STK3: variants seen among roughly 807,000 people sequenced by gnomAD.
STK3 encodes serine/threonine-protein kinase 3.
In STK3, 41 loss-of-function variants were observed where a neutral mutation model predicts 58.0. The observed-to-expected ratio is 0.71, with a 90% CI of 0.55 to 0.92. The LOEUF is 0.92. Among genes scored for constraint, STK3 ranks in the 40% least tolerant of loss-of-function variants. The pLI is 0.00. For synonymous variants in STK3, 170 were observed against 191.0 expected (o/e 0.89, Z 0.91); for missense variants, 479 against 602.7 (o/e 0.79, Z 2.15).
intron 6 of STK3, among the ~76,000 whole-genome samples, chr8:98,697,693 T>C (rs981601455): frequency 6.6e-6 from 1 of 152,300 alleles, no homozygotes; most frequent in Admixed American, 6.5e-5. Context: ...AATCCTGAGT[T>C]CTAGTTTGAT....
At chr8:98,898,479 G>C (rs1838540142) in intron 1 of STK3, among the ~76,000 whole-genome samples, 1 of 152,058 alleles carries the variant, frequency 6.6e-6, no homozygotes. Context: ...AACTGATTTG[G>C]GTCATCATTC....
chr8:98,482,432 A>C (rs1042663732), intron 10 of STK3, among the ~76,000 whole-genome samples: 2 of 152,260 alleles, frequency 1.3e-5, no homozygotes, highest in African/African-American at 2.4e-5. Context: ...AAGATAAAAA[A>C]TACATGTAAG....
chr8:98,847,143 T>C (rs758265568), intron 3 of STK3, among the ~76,000 whole-genome samples: 15 of 152,122 alleles, frequency 9.9e-5, no homozygotes, highest in Non-Finnish European at 1.5e-4. Flanking sequence ...GTGGGAAAAC[T>C]GCTTGAAGCC....
intron 7 of STK3, among the ~76,000 whole-genome samples, chr8:98,591,196 G>A (rs1264462393): frequency 6.6e-6 from 1 of 152,180 alleles, no homozygotes; most frequent in Non-Finnish European, 1.5e-5. Flanking sequence ...GAGCATGGAG[G>A]TATTAATAAG....
At chr8:98,412,326 T>C (rs995427391) in intron 3 of STK3, among the ~76,000 whole-genome samples, 1 of 152,180 alleles carries the variant, frequency 6.6e-6, no homozygotes, top group Non-Finnish European at 1.5e-5. Flanking sequence ...CAGTCTCCAT[T>C]GTTCAGGCCT....
intron 1 of STK3, among the ~76,000 whole-genome samples, chr8:98,380,506 CT>C (rs1817721309): frequency 6.6e-6 from 1 of 152,140 alleles, no homozygotes; most frequent in Non-Finnish European, 1.5e-5. Flanking sequence ...TTTCTCACAT[CT>C]ATTATTACCT....
chr8:98,909,975 A>G (rs988578845), intron 1 of STK3, among the ~76,000 whole-genome samples: 12 of 152,156 alleles, frequency 7.9e-5, no homozygotes, highest in Non-Finnish European at 1.8e-4. Flanking sequence ...AGTGTATGAG[A>G]ATTGTGATTT....
chr8:98,909,332 C>G (rs1207127715), intron 1 of STK3, among the ~76,000 whole-genome samples: 1 of 152,102 alleles, frequency 6.6e-6, no homozygotes, highest in Non-Finnish European at 1.5e-5. Flanking sequence ...ATTTTATCGA[C>G]AGATGTTGAA....
At chr8:98,802,414 A>T (rs1217435858) in intron 1 of STK3, among the ~76,000 whole-genome samples, 3 of 152,164 alleles carry the variant, frequency 2.0e-5, no homozygotes, top group Non-Finnish European at 2.9e-5. Flanking sequence ...GCTACAAGTT[A>T]AGAACATATC....
intron 1 of STK3, among the ~76,000 whole-genome samples, chr8:98,780,650 G>C (rs2131526001): frequency 6.6e-6 from 1 of 151,424 alleles, no homozygotes; most frequent in South Asian, 2.1e-4. Context: ...ACTAAGGTAA[G>C]AAACACAGGG....
chr8:98,768,595 G>C (rs77611252), intron 2 of STK3, among the ~76,000 whole-genome samples: 2,448 of 152,244 alleles, frequency 0.016, 33 homozygotes, highest in South Asian at 0.029. Context: ...ATGTGTGTAT[G>C]TGTGTATATT....
chr8:98,443,933 GTAAA>G (rs1486255091), intron 1 of STK3, among the ~76,000 whole-genome samples: 1 of 152,116 alleles, frequency 6.6e-6, no homozygotes, highest in Admixed American at 6.6e-5. Flanking sequence ...AAATAAATAA[GTAAA>G]TAAATAAATA....
upstream of STK3, among the ~76,000 whole-genome samples, chr8:98,830,449 T>A (rs185464939): frequency 6.6e-6 from 1 of 152,198 alleles, no homozygotes; most frequent in Admixed American, 6.5e-5. Flanking sequence ...TGTGTGTTAC[T>A]CAATAAAGGA....
At chr8:98,663,596 C>G (rs1563864602) in intron 6 of STK3, among the ~76,000 whole-genome samples, 2 of 152,108 alleles carry the variant, frequency 1.3e-5, no homozygotes, top group African/African-American at 2.4e-5. Flanking sequence ...GCACTATTCA[C>G]AATAGCAAAG....
intron 3 of STK3, chr8:98,427,741 T>G: frequency 5.2e-6 from 2 of 387,446 alleles, no homozygotes; most frequent in Non-Finnish European, 9.2e-6. Context: ...ACCCCTGGGG[T>G]GGAGCTGTGC....
intron 10 of STK3, among the ~76,000 whole-genome samples, chr8:98,467,094 G>C (rs900003577): frequency 1.3e-5 from 2 of 152,080 alleles, no homozygotes; most frequent in Non-Finnish European, 2.9e-5. Context: ...CACACCAGTG[G>C]GTCTACAGAT....
chr8:98,804,248 C>T (rs1315914167), intron 1 of STK3, among the ~76,000 whole-genome samples: 1 of 152,150 alleles, frequency 6.6e-6, no homozygotes, highest in Non-Finnish European at 1.5e-5. Context: ...GTGATCCGCC[C>T]ACCTCGGCCT....
chr8:98,785,100 T>C (rs1446768572), intron 1 of STK3, among the ~76,000 whole-genome samples: 1 of 152,024 alleles, frequency 6.6e-6, no homozygotes, highest in African/African-American at 2.4e-5. Context: ...CTCCAGATAT[T>C]CAAAGTACCT....
At position 98,613,200 on chromosome 8, in the gene STK3, G is replaced by GATGAGCT. The variant is rs1722661785; in HGVS notation, c.685-17038_685-17032dup. Among the ~76,000 whole-genome samples, 2 of 152,298 alleles carry GATGAGCT rather than the reference G, an allele frequency of 1.3e-5. 1 individual carries two copies. The highest frequency in any genetic ancestry group is 4.8e-5 in the African/African-American group (2 of 41,562). On this transcript the variant is annotated intron_variant, in intron 6 of 10. Transcript: ENST00000419617. ...ACTTCAACAAACTCTACCTGGCAGTGATGAGCTCCCTTCCCCTCTTAAAGT... is the reference window on the plus strand; with the variant it reads ...ACTTCAACAAACTCTACCTGGCAGTGATGAGCTATGAGCTCCCTTCCCCTCTTAAAGT...
Sources: gnomAD v4.1 joint callset for allele counts (sites outside exome capture counted in the v4.1 genomes callset) on GRCh38, gnomAD v4.1.1 for gene constraint, MANE v1.5 for transcripts, NCBI Gene and HGNC (gene_info 2026-07-23, HGNC 2026-07-21) for gene names.